INPP5D: variants seen among roughly 807,000 people sequenced by gnomAD.
The protein encoded by INPP5D is phosphatidylinositol 3,4,5-trisphosphate 5-phosphatase 1.
A neutral mutation model predicts 122.9 loss-of-function variants in INPP5D; 33 were observed. That is an observed-to-expected ratio of 0.27 (90% confidence interval 0.20 to 0.36). INPP5D has a LOEUF of 0.36. Ranked by LOEUF, INPP5D falls within the 10% of genes least tolerant of loss-of-function variation. INPP5D has a pLI of 1.00. For synonymous variants in INPP5D, 584 were observed against 576.2 expected, an observed-to-expected ratio of 1.01 and a Z score of -0.19; for missense variants, 1,053 against 1,412.7, an observed-to-expected ratio of 0.75 and a Z score of 4.08.
intron 4 of INPP5D, among the ~76,000 whole-genome samples, chr2:233,129,614 C>T: frequency 6.6e-6 from 1 of 152,182 alleles, no homozygotes; most frequent in East Asian, 1.9e-4. Flanking sequence ...TTCCACACGG[C>T]AAAGTCGGCC....
rs769454012 is a variant in INPP5D at position 233,170,052 on chromosome 2, T to G, written c.1679T>G (p.Leu560Arg). 6.2e-7 allele frequency: 1 copy of G among 1,614,034 alleles called. No individual in the cohort carries two copies. Residue 560 changes from leucine to arginine, a missense_variant, in exon 15 of 27, where the codon CTC becomes CGC. Leu to Arg is a moderately radical substitution (Grantham distance 102). Transcript: ENST00000445964. The surrounding 1 kb of genome is among the most constrained non-coding windows in gnomAD (Gnocchi z 4.5). ...LRRNQNYMNI[L>R]RFLALGDKKL... ...CGAAACCAAAACTATATGAACATTC[T>G]CCGGTTCCTGGCCCTGGGCGACAAG... is the stretch of plus-strand genomic sequence containing the variant.
intron 2 of INPP5D, among the ~76,000 whole-genome samples, chr2:233,099,523 C>A (rs1442371969): frequency 6.6e-6 from 1 of 152,220 alleles, no homozygotes; most frequent in East Asian, 1.9e-4. Context: ...TCCCTGTGCT[C>A]TTCAACAACA....
At chr2:233,154,591 C>T (rs1000156710) in intron 9 of INPP5D, among the ~76,000 whole-genome samples, 1 of 152,224 alleles carries the variant, frequency 6.6e-6, no homozygotes, top group Non-Finnish European at 1.5e-5. Flanking sequence ...AGCTTATATA[C>T]CTTCTAATCT....
At chr2:233,150,792 A>AG (rs1487191774) in intron 9 of INPP5D, among the ~76,000 whole-genome samples, 1 of 152,158 alleles carries the variant, frequency 6.6e-6, no homozygotes, top group Admixed American at 6.5e-5. Context: ...GTTAGTCCCG[A>AG]GGGAGGACTG....
At chr2:233,093,963 C>G (rs770409650) in intron 2 of INPP5D, among the ~76,000 whole-genome samples, 11 of 151,996 alleles carry the variant, frequency 7.2e-5, no homozygotes, top group Non-Finnish European at 1.6e-4. Context: ...CTGTGCTTCT[C>G]CCTGGAGTCT....
intron 1 of INPP5D, among the ~76,000 whole-genome samples, chr2:233,073,842 G>T (rs906557724): frequency 1.3e-5 from 2 of 151,760 alleles, no homozygotes; most frequent in Non-Finnish European, 2.9e-5. Context: ...TGCCTCTGTC[G>T]TGTGTTAAAT....
rs1169966468 is a variant in INPP5D at position 233,188,118 on chromosome 2, C to G, written c.2359-1732C>G. Among the ~76,000 whole-genome samples the G allele has an allele frequency of 6.6e-6, 1 of 152,058 alleles. No individual in the cohort carries two copies. The highest frequency in any genetic ancestry group is 2.4e-5 in the African/African-American group (1 of 41,400). On this transcript the variant is annotated intron_variant, in intron 21 of 26. Coordinates refer to ENST00000445964, the MANE Select transcript of INPP5D (RefSeq NM_001017915.3). The surrounding 1 kb of genome is among the most constrained non-coding windows in gnomAD (Gnocchi z 4.7). ...AACGCTGATGGATCTTTCTGGAATGCCTCTCTGATCCTGGAGTCCCCCTCT... is the reference window on the plus strand; with the variant it reads ...AACGCTGATGGATCTTTCTGGAATGGCTCTCTGATCCTGGAGTCCCCCTCT...
chr2:233,104,731 C>T (rs568756072), intron 2 of INPP5D, among the ~76,000 whole-genome samples: 2 of 152,252 alleles, frequency 1.3e-5, no homozygotes, highest in African/African-American at 2.4e-5. Context: ...ATCGTTTGGT[C>T]AGCTGTTGAG....
At chr2:233,165,362 ATG>A (rs1413274941) in intron 13 of INPP5D, among the ~76,000 whole-genome samples, 1 of 148,676 alleles carries the variant, frequency 6.7e-6, no homozygotes, top group East Asian at 2.0e-4. Flanking sequence ...GAGTGTCTGT[ATG>A]TGTGAGTCCA....
chr2:233,081,783 T>C (rs1429710612), intron 2 of INPP5D, among the ~76,000 whole-genome samples: 4 of 152,012 alleles, frequency 2.6e-5, no homozygotes, highest in African/African-American at 9.7e-5. Context: ...TGCACGCAGC[T>C]TCTCCCATGG....
chr2:233,071,855 C>T (rs1427490323), intron 1 of INPP5D, among the ~76,000 whole-genome samples: 2 of 152,156 alleles, frequency 1.3e-5, no homozygotes, highest in African/African-American at 2.4e-5. Context: ...TATTCTGTCA[C>T]TTTACTCACT....
At chr2:233,138,550 G>C (rs1693558380) in intron 5 of INPP5D, among the ~76,000 whole-genome samples, 1 of 152,080 alleles carries the variant, frequency 6.6e-6, no homozygotes, top group South Asian at 2.1e-4. Flanking sequence ...CCTTAAAAGA[G>C]AGAGAAAGAA....
At chr2:233,115,660 C>A (rs1458403105) in intron 2 of INPP5D, among the ~76,000 whole-genome samples, 2 of 152,180 alleles carry the variant, frequency 1.3e-5, no homozygotes, top group Admixed American at 6.5e-5. Context: ...AGCCGTCAGA[C>A]AAAGGTGCCT....
intron 13 of INPP5D, among the ~76,000 whole-genome samples, chr2:233,165,543 T>C (rs964799165): frequency 1.3e-5 from 2 of 151,258 alleles, no homozygotes; most frequent in Non-Finnish European, 2.9e-5. Context: ...TATCTATGAG[T>C]GTGTGAGTGT....
chr2:233,204,991 G>T (rs193130488), intron 26 of INPP5D: 7 of 448,144 alleles, frequency 1.6e-5, no homozygotes, highest in African/African-American at 1.2e-4. Flanking sequence ...GAAGAAAGGC[G>T]GGGCTGTGGA....
chr2:233,103,816 C>T (rs889386732), intron 2 of INPP5D, among the ~76,000 whole-genome samples: 2 of 148,026 alleles, frequency 1.4e-5, no homozygotes, highest in African/African-American at 5.0e-5. Context: ...AAGCAATTCT[C>T]CTGCCTCAGC....
intron 1 of INPP5D, among the ~76,000 whole-genome samples, chr2:233,063,083 G>A (rs925447802): frequency 2.6e-5 from 4 of 152,148 alleles, no homozygotes; most frequent in Middle Eastern, 3.2e-3. Flanking sequence ...CAGAGTCGCC[G>A]TGGCCTGACG....
chr2:233,163,980 T>C (rs141642539), intron 12 of INPP5D, 77 bp downstream of exon 12: 1,540,012 of 1,544,498 alleles, frequency 1, 767,855 homozygotes, highest in East Asian at 1. Flanking sequence ...GAGGCAAGGG[T>C]GGGCTCAGCC....
intron 9 of INPP5D, among the ~76,000 whole-genome samples, chr2:233,151,449 G>T (rs1397667135): frequency 1.3e-5 from 2 of 152,142 alleles, no homozygotes; most frequent in Non-Finnish European, 1.5e-5. Context: ...GTCAATCCAG[G>T]ATGGTGGAGC....
Sources: allele counts gnomAD v4.1 joint callset (sites outside exome capture counted in the v4.1 genomes callset), GRCh38; gene constraint gnomAD v4.1.1; non-coding constraint Gnocchi (gnomAD v3.1); transcripts MANE v1.5; gene names NCBI Gene and HGNC (gene_info 2026-07-23, HGNC 2026-07-21).